AUTS2: variants seen among roughly 807,000 people sequenced by gnomAD.
AUTS2 encodes the protein autism susceptibility gene 2 protein.
A neutral mutation model predicts 112.4 loss-of-function variants in AUTS2; 17 were observed. The observed-to-expected ratio is 0.15, with a 90% CI of 0.10 to 0.23. AUTS2 has a LOEUF of 0.23. Ranked by LOEUF, AUTS2 falls within the 10% of genes least tolerant of loss-of-function variation. The pLI, the probability that AUTS2 is intolerant of heterozygous loss-of-function variation, is 1.00. For synonymous variants in AUTS2, 751 were observed against 702.7 expected, an observed-to-expected ratio of 1.07 and a Z score of -1.09; for missense variants, 1,510 against 1,701.6, an observed-to-expected ratio of 0.89 and a Z score of 1.98.
intron 4 of AUTS2, among the ~76,000 whole-genome samples, chr7:70,433,513 C>G (rs1360636794): frequency 6.6e-6 from 1 of 152,186 alleles, no homozygotes; most frequent in Admixed American, 6.5e-5. Flanking sequence ...AGTATTGTTC[C>G]TCATCCACCT....
intron 4 of AUTS2, among the ~76,000 whole-genome samples, chr7:70,162,830 A>G (rs1013531096): frequency 6.6e-6 from 1 of 152,152 alleles, no homozygotes; most frequent in Non-Finnish European, 1.5e-5. Flanking sequence ...CATTTGGTAA[A>G]CCTCTTTGAA....
At chr7:69,998,025 G>A (rs1420906694) in intron 2 of AUTS2, among the ~76,000 whole-genome samples, 1 of 152,024 alleles carries the variant, frequency 6.6e-6, no homozygotes, top group African/African-American at 2.4e-5. Context: ...AAACCCTTTG[G>A]TATTTATTTA....
chr7:69,751,546 A>G (rs1450576281), intron 1 of AUTS2, among the ~76,000 whole-genome samples: 1 of 152,160 alleles, frequency 6.6e-6, no homozygotes, highest in African/African-American at 2.4e-5. Flanking sequence ...AGGCAGGTGG[A>G]AGGTAAGAAG....
In AUTS2 at chr7:70,219,422, A is replaced by T. The variant is rs564841065; in HGVS notation, c.660+84851A>T. The stretch of plus-strand genomic sequence containing the variant: ...ATATGATGTGGAAAAGTTCTCTAAG[A>T]GCTAGCCAAAAAAAAAATTATTTCA... On this transcript the variant is annotated intron_variant, in intron 4 of 18. Coordinates refer to ENST00000342771, the MANE Select transcript of AUTS2 (RefSeq NM_015570.4). Among the ~76,000 whole-genome samples, 17 of 152,274 alleles carry T rather than the reference A, an allele frequency of 1.1e-4. 2 individuals carry two copies. In the South Asian group the frequency reaches 3.3e-3, roughly 30 times the overall value.
chr7:70,590,054 G>A (rs1052416022), intron 5 of AUTS2, among the ~76,000 whole-genome samples: 6 of 152,058 alleles, frequency 3.9e-5, no homozygotes, highest in Admixed American at 6.6e-5. Flanking sequence ...CCAGAACTTG[G>A]TCTCAGACAA....
At chr7:70,569,044 G>A (rs1471985630) in intron 5 of AUTS2, among the ~76,000 whole-genome samples, 1 of 152,140 alleles carries the variant, frequency 6.6e-6, no homozygotes, top group Non-Finnish European at 1.5e-5. Context: ...CTATCAGCAT[G>A]GTCTATAGAT....
intron 1 of AUTS2, among the ~76,000 whole-genome samples, chr7:69,607,292 C>T (rs1792782421): frequency 6.6e-6 from 1 of 152,076 alleles, no homozygotes; most frequent in Admixed American, 6.6e-5. Context: ...GTTAGATTCC[C>T]CGCTCACCTG....
Position 69,928,431 on chromosome 7 carries a change from C to G in AUTS2, c.522+28933C>G, listed in dbSNP as rs78996558. 6.1e-3 allele frequency among the ~76,000 whole-genome samples: 936 copies of G among 152,320 alleles called. 7 individuals are homozygous for G. The highest frequency in any genetic ancestry group is 0.021 in the African/African-American group (875 of 41,588). On this transcript the variant is annotated intron_variant, in intron 2 of 18. Coordinates refer to ENST00000342771, the MANE Select transcript of AUTS2 (RefSeq NM_015570.4). Reference sequence around the variant, plus strand: ...CCTGTCTGCCTCCTGCCGTGATCAACATGCTGTCCACAGTAAGGCTGTCTG... The same window carrying G: ...CCTGTCTGCCTCCTGCCGTGATCAAGATGCTGTCCACAGTAAGGCTGTCTG...
At chr7:70,509,248 C>T (rs1230828396) in intron 5 of AUTS2, among the ~76,000 whole-genome samples, 1 of 152,184 alleles carries the variant, frequency 6.6e-6, no homozygotes, top group Non-Finnish European at 1.5e-5. Context: ...GGCACCATTC[C>T]TGCCCTCATG....
chr7:70,599,212 A>G (rs780289573), intron 5 of AUTS2, among the ~76,000 whole-genome samples: 1 of 152,224 alleles, frequency 6.6e-6, no homozygotes, highest in Non-Finnish European at 1.5e-5. Flanking sequence ...AAAGAAACTC[A>G]GGTTGATCTT....
intron 4 of AUTS2, among the ~76,000 whole-genome samples, chr7:70,268,323 A>C (rs7796273): frequency 0.091 from 13,820 of 152,268 alleles, 868 homozygotes; most frequent in African/African-American, 0.17. Flanking sequence ...AGCAGTTTAC[A>C]TTTAAATGCT....
rs1789673619 is a variant in AUTS2, at chr7:70,763,110, C to T, written c.983C>T (p.Thr328Ile). 1.9e-6 allele frequency: 3 copies of T among 1,614,054 alleles called. No homozygotes were observed. The highest frequency in any genetic ancestry group is 2.5e-6 in the Non-Finnish European group (3 of 1,180,002). The change falls in exon 7 of 19, where the codon ACA becomes ATA. Residue 328 changes from threonine (T) to isoleucine (I), a missense_variant. Physicochemically the swap from Thr to Ile is moderately conservative, Grantham distance 89. Transcript: ENST00000342771. ...CCGGACCCTGACTTGGTGCAGCGCA[C>T]AGAGGCCCCACCTCAACCCCCACCT... is the stretch of plus-strand genomic sequence containing the variant. ...PSPDPDLVQR[T>I]EAPPQPPPLS...
At chr7:70,472,180 T>C (rs1298701787) in intron 5 of AUTS2, among the ~76,000 whole-genome samples, 1 of 152,214 alleles carries the variant, frequency 6.6e-6, no homozygotes, top group Non-Finnish European at 1.5e-5. Flanking sequence ...CTAGAGTCCT[T>C]TGGCGTAGCT....
At chr7:70,389,805 G>A (rs1473220424) in intron 4 of AUTS2, among the ~76,000 whole-genome samples, 1 of 152,008 alleles carries the variant, frequency 6.6e-6, no homozygotes, top group Non-Finnish European at 1.5e-5. Context: ...AGATTTGGCT[G>A]GTACCAGTGA....
intron 5 of AUTS2, among the ~76,000 whole-genome samples, chr7:70,589,180 T>G (rs1003408328): frequency 1.1e-4 from 16 of 152,182 alleles, no homozygotes; most frequent in African/African-American, 3.9e-4. Context: ...CTTCCAAGCA[T>G]GCACTGCGAG....
At position 70,785,971 on chromosome 7, in the gene AUTS2, G is replaced by A. The variant is rs143340591; in HGVS notation, c.2241G>A (p.Pro747=). The A allele has an allele frequency of 2.1e-4, 344 of 1,613,974 alleles. 1 individual carries two copies. Among genetic ancestry groups the A allele is most frequent in the East Asian group, 1.8e-3 (81 of 44,884 alleles). Residue 747 remains proline (P), a synonymous_variant, in exon 17 of 19, where the codon CCG becomes CCA. Coordinates refer to ENST00000342771, the MANE Select transcript of AUTS2 (RefSeq NM_015570.4). The part of the protein sequence containing the change: ...PAAHLEPFNR[P]STFTGLAAVG... Reference sequence around the variant, plus strand: ...TGTTTGCAGAGCCTTTTAATCGGCCGTCTACATTCACAGGCCTAGCAGCAG... The same window carrying A: ...TGTTTGCAGAGCCTTTTAATCGGCCATCTACATTCACAGGCCTAGCAGCAG...
intron 5 of AUTS2, among the ~76,000 whole-genome samples, chr7:70,687,483 CTT>C (rs1808531753): frequency 6.6e-6 from 1 of 152,098 alleles, no homozygotes; most frequent in Non-Finnish European, 1.5e-5. Context: ...TTTTTTAATA[CTT>C]TTTCCCCTTT....
chr7:69,681,637 C>T (rs1255717332), intron 1 of AUTS2, among the ~76,000 whole-genome samples: 3 of 152,220 alleles, frequency 2.0e-5, no homozygotes, highest in Non-Finnish European at 4.4e-5. Flanking sequence ...GTTACCTCCA[C>T]TCTGTTCCCT....
rs535039111 is a variant in AUTS2 at position 70,629,560 on chromosome 7, C to A, written c.691-69009C>A. ...CCAACATACATGGTAGGGCCTGAAT[C>A]CATCCCCTTGCCACCTCCCTTAGCA... is the stretch of plus-strand genomic sequence containing the variant. On this transcript the variant is annotated intron_variant, in intron 5 of 18. Transcript: ENST00000342771. 7.1e-4 allele frequency among the ~76,000 whole-genome samples: 108 copies of A among 152,176 alleles called. 1 individual carries two copies. The highest frequency in any genetic ancestry group is 2.3e-3 in the South Asian group (11 of 4,808).
Sources: allele counts gnomAD v4.1 joint callset (sites outside exome capture counted in the v4.1 genomes callset), GRCh38; gene constraint gnomAD v4.1.1; transcripts MANE v1.5; gene names NCBI Gene and HGNC (gene_info 2026-07-23, HGNC 2026-07-21).